Variants in PCLO observed in about 807,000 individuals in gnomAD.
PCLO encodes the protein protein piccolo.
In PCLO, 82 loss-of-function variants were observed where a neutral mutation model predicts 427.5. The observed-to-expected ratio is 0.19, with a 90% CI of 0.16 to 0.23. PCLO has a LOEUF of 0.23. PCLO is among the 10% of genes least tolerant of loss of function. PCLO has a pLI of 1.00. For synonymous variants in PCLO, 2,357 were observed against 2,155.4 expected (o/e 1.09, Z -2.59); for missense variants, 6,239 against 6,115.9 (o/e 1.02, Z -0.67).
At chr7:82,903,471 G>T (rs1794109604) in intron 8 of PCLO, among the ~76,000 whole-genome samples, 1 of 151,916 alleles carries the variant, frequency 6.6e-6, no homozygotes, top group Non-Finnish European at 1.5e-5. Flanking sequence ...TCATTATTGA[G>T]ACTTGAATAT....
At chr7:83,134,074 T>A (rs1468312481) in intron 3 of PCLO, among the ~76,000 whole-genome samples, 176 bp downstream of exon 3, 1 of 151,698 alleles carries the variant, frequency 6.6e-6, no homozygotes, top group Non-Finnish European at 1.5e-5. Flanking sequence ...TAACATGAAC[T>A]CTTAGTAAGA....
intron 12 of PCLO, 36 bp downstream of exon 12, chr7:82,846,530 CT>C: frequency 7.4e-7 from 1 of 1,348,962 alleles, no homozygotes. Context: ...ATTTCTATCT[CT>C]TTATTTACAG....
At chr7:82,854,591 AT>A (rs1466407744) in intron 10 of PCLO, among the ~76,000 whole-genome samples, 3 of 152,148 alleles carry the variant, frequency 2.0e-5, no homozygotes, top group Non-Finnish European at 4.4e-5. Context: ...AAGTCACTGT[AT>A]TTTTATATTG....
In PCLO at chr7:83,055,644, G is replaced by A. The variant is rs144106019; in HGVS notation, c.3300+78606C>T. ...AAAGAGGTTGTCATTAGGTATAAGT[G>A]ATTTTGCAAATTTATGAATTTCCTA... is the stretch of plus-strand genomic sequence containing the variant. On this transcript the variant is annotated intron_variant, in intron 3 of 24. Coordinates refer to ENST00000333891, the MANE Select transcript of PCLO (RefSeq NM_033026.6). 8.5e-3 allele frequency among the ~76,000 whole-genome samples: 1,293 copies of A among 152,130 alleles called. 12 individuals are homozygous for A. Among genetic ancestry groups the A allele is most frequent in the Non-Finnish European group, 0.014 (933 of 67,960 alleles).
At chr7:82,991,020 G>A (rs547867744) in intron 3 of PCLO, among the ~76,000 whole-genome samples, 1 of 152,212 alleles carries the variant, frequency 6.6e-6, no homozygotes, top group East Asian at 1.9e-4. Flanking sequence ...GTAAAAAGTA[G>A]TCATTTGTTA....
chr7:82,892,800 G>A (rs1793802860), intron 9 of PCLO, among the ~76,000 whole-genome samples: 1 of 152,144 alleles, frequency 6.6e-6, no homozygotes, highest in Non-Finnish European at 1.5e-5. Flanking sequence ...AGACATTTAT[G>A]CAGACAAAAG....
intron 3 of PCLO, among the ~76,000 whole-genome samples, chr7:83,043,808 T>A (rs1789029303): frequency 6.6e-6 from 1 of 152,130 alleles, no homozygotes; most frequent in African/African-American, 2.4e-5. Flanking sequence ...AAGCCATTTT[T>A]AATTAATGGT....
chr7:82,827,770 G>T (rs963555688), intron 17 of PCLO, 103 bp downstream of exon 17: 5 of 598,582 alleles, frequency 8.4e-6, no homozygotes, highest in Admixed American at 3.5e-5. Flanking sequence ...AACTTTTTTT[G>T]TTTGATTGGC....
At chr7:83,076,970 G>C (rs1189446562) in intron 3 of PCLO, among the ~76,000 whole-genome samples, 1 of 139,704 alleles carries the variant, frequency 7.2e-6, no homozygotes, top group African/African-American at 2.7e-5. Context: ...GAGCATAATA[G>C]CCTGCTTTAA....
At position 82,951,592 on chromosome 7, in the gene PCLO, T is replaced by C. The variant is rs1341463302; in HGVS notation, c.9098-102A>G. The C allele has an allele frequency of 5.6e-6, 5 of 885,978 alleles. No individual in the cohort carries two copies. The Admixed American group carries it at 8.4e-5, about 15-fold the overall frequency. The allele number at this position is 885,978 out of a possible 1,614,324, so 54.9% of individuals were successfully genotyped here. On this transcript the variant is annotated intron_variant, in intron 5 of 24. Coordinates refer to ENST00000333891, the MANE Select transcript of PCLO (RefSeq NM_033026.6). ...GATGAACATAATGAATGAGACTGCA[T>C]GCAAATCCACAGGGTAACCTAATTA...
At chr7:83,026,281 C>T (rs1226518093) in intron 3 of PCLO, among the ~76,000 whole-genome samples, 2 of 151,538 alleles carry the variant, frequency 1.3e-5, no homozygotes, top group African/African-American at 4.9e-5. Flanking sequence ...AAATGGAAAA[C>T]AAAAAAAGGC....
Position 82,956,205 on chromosome 7 carries a change from T to C in PCLO, c.4748A>G (p.Lys1583Arg). ...GCTCTCAGTACTGCTACTAATCTCT[T>C]TGAGCTGGTTTCTGATGAACTCATC... Reference protein sequence around the residue: ...EDDEFIRNQLKEISSSTESQK... With the variant: ...EDDEFIRNQLREISSSTESQK... Residue 1583 changes from lysine (K) to arginine (R), a missense_variant, in exon 5 of 25, where the codon AAA (lysine) becomes AGA (arginine). By Grantham distance (26) the Lys-to-Arg change is conservative. This residue lies in a region of PCLO where 4,677 missense variants were observed against 4,468.4 expected (regional missense o/e 1.05). Coordinates refer to ENST00000333891, the MANE Select transcript of PCLO (RefSeq NM_033026.6). The C allele has an allele frequency of 6.2e-7, 1 of 1,610,268 alleles. No individual in the cohort carries two copies. Among genetic ancestry groups the C allele is most frequent in the South Asian group, 1.1e-5 (1 of 91,080 alleles).
intron 6 of PCLO, among the ~76,000 whole-genome samples, chr7:82,929,042 G>C (rs928602603): frequency 1.3e-5 from 2 of 152,120 alleles, no homozygotes; most frequent in African/African-American, 2.4e-5. Context: ...TTCTGAGAAA[G>C]AGTAGTTTTT....
chr7:82,974,198 C>G (rs1289809097), intron 3 of PCLO, among the ~76,000 whole-genome samples: 1 of 151,990 alleles, frequency 6.6e-6, no homozygotes, highest in African/African-American at 2.4e-5. Context: ...ACCAGCCTGG[C>G]CAAAATGGTG....
At chr7:83,117,880 G>T (rs1791173668) in intron 3 of PCLO, among the ~76,000 whole-genome samples, 1 of 152,144 alleles carries the variant, frequency 6.6e-6, no homozygotes, top group Non-Finnish European at 1.5e-5. Context: ...CTATTACTAG[G>T]CTATTATTGT....
chr7:83,162,807 G>T lies in PCLO; in HGVS notation c.-215C>A. The T allele has an allele frequency of 1.6e-6, 1 of 610,782 alleles. No individual in the cohort carries two copies. The highest frequency in any genetic ancestry group is 3.0e-5 in the East Asian group (1 of 32,898). The allele number at this position is 610,782 out of a possible 1,614,324, so 37.8% of individuals were successfully genotyped here. On this transcript the variant is annotated 5_prime_UTR_variant, in exon 1 of 25. Transcript: ENST00000333891. ...CCGCTGCCGGTGCCTCCTCCATGTT[G>T]GACAGCGCCAGGCAACCTTTGCAGA...
At chr7:83,045,668 AT>A (rs1009887328) in intron 3 of PCLO, among the ~76,000 whole-genome samples, 3 of 152,042 alleles carry the variant, frequency 2.0e-5, no homozygotes, top group Non-Finnish European at 4.4e-5. Context: ...TTGTTTAATA[AT>A]TTTTCCTCCT....
In PCLO at chr7:82,950,220, G is replaced by A. The variant is rs753221319; in HGVS notation, c.10368C>T (p.Ser3456=). The change falls in exon 6 of 25, where the codon AGC becomes AGT. Residue 3456 remains serine (S), a synonymous_variant. Coordinates refer to ENST00000333891, the MANE Select transcript of PCLO (RefSeq NM_033026.6). The part of the protein sequence containing the change: ...QTDDEDATDR[S]YVSRRRRTKK... ...TAGTTCTCCTTCTCCTACTCACATA[G>A]CTCCGATCTGTGGCATCTTCGTCAT... 8 of 1,612,118 alleles carry A rather than the reference G, an allele frequency of 5.0e-6. No homozygotes were observed. In the East Asian group the frequency reaches 8.9e-5, roughly 18 times the overall value.
intron 6 of PCLO, among the ~76,000 whole-genome samples, chr7:82,918,227 C>T (rs1188124537): frequency 6.6e-6 from 1 of 151,950 alleles, no homozygotes; most frequent in South Asian, 2.1e-4. Flanking sequence ...AGCTGTTTGA[C>T]ATGTCATTTA....
Sources: allele counts gnomAD v4.1 joint callset (sites outside exome capture counted in the v4.1 genomes callset), GRCh38; gene constraint gnomAD v4.1.1; regional missense constraint gnomAD v4.1.1; transcripts MANE v1.5; gene names NCBI Gene and HGNC (gene_info 2026-07-23, HGNC 2026-07-21).